The following ISM1 variants were observed in gnomAD, a reference collection of about 807,000 sequenced individuals.
ISM1 encodes isthmin 1, also known as isthmin-1.
ISM1 carries 25 observed loss-of-function variants against 46.3 expected under a neutral mutation model. The observed-to-expected ratio is 0.54, with a 90% CI of 0.39 to 0.75. The LOEUF (loss-of-function observed/expected upper bound fraction) is 0.75. Among genes scored for constraint, ISM1 ranks in the 30% least tolerant of loss-of-function variants. The pLI is 0.00. For synonymous variants in ISM1, 255 were observed against 256.7 expected (o/e 0.99, Z 0.06); for missense variants, 536 against 625.4 (o/e 0.86, Z 1.52).
chr20:13,319,576 C>T, the ISM1 span, among the ~76,000 whole-genome samples: 2 of 152,142 alleles, frequency 1.3e-5, no homozygotes, highest in African/African-American at 2.4e-5. Context: ...AATGGCAGCT[C>T]GTAGAAGTAT....
At chr20:13,243,899 A>T (rs2039761262) in intron 1 of ISM1, among the ~76,000 whole-genome samples, 1 of 152,194 alleles carries the variant, frequency 6.6e-6, no homozygotes, top group South Asian at 2.1e-4. Context: ...TAGATATTTG[A>T]AGGGAAGATG....
chr20:13,318,429 T>C, the ISM1 span, among the ~76,000 whole-genome samples: 72,252 of 152,086 alleles, frequency 0.48, 19,342 homozygotes, highest in African/African-American at 0.72. Context: ...TGTTTGCTTA[T>C]GAAATTAAAC....
chr20:13,288,737 A>G (rs2040320756), intron 4 of ISM1, 54 bp downstream of exon 4: 4 of 1,525,088 alleles, frequency 2.6e-6, no homozygotes, highest in South Asian at 1.2e-5. Flanking sequence ...TTTTTAATTT[A>G]TCATTAAAAA....
At chr20:13,283,075 C>G (rs1474011872) in intron 3 of ISM1, among the ~76,000 whole-genome samples, 1 of 152,058 alleles carries the variant, frequency 6.6e-6, no homozygotes, top group Admixed American at 6.6e-5. Context: ...GAGTCTTGCC[C>G]TGTTGCCCAG....
chr20:13,313,454 T>C, the ISM1 span, among the ~76,000 whole-genome samples: 1 of 152,204 alleles, frequency 6.6e-6, no homozygotes, highest in Admixed American at 6.5e-5. Context: ...CACGGAGCCG[T>C]AGTCAATTGG....
intron 3 of ISM1, among the ~76,000 whole-genome samples, chr20:13,283,172 C>A (rs1466317211): frequency 6.6e-6 from 1 of 152,166 alleles, no homozygotes; most frequent in Non-Finnish European, 1.5e-5. Flanking sequence ...TCCAAAAGTG[C>A]TGGGATTTTA....
intron 5 of ISM1, among the ~76,000 whole-genome samples, chr20:13,292,794 G>A (rs1487224738): frequency 6.6e-6 from 1 of 152,136 alleles, no homozygotes; most frequent in Non-Finnish European, 1.5e-5. Flanking sequence ...AGCCTTCATT[G>A]AGCGTCCTCA....
At chr20:13,266,029 A>G (rs1423661893) in intron 1 of ISM1, among the ~76,000 whole-genome samples, 1 of 152,182 alleles carries the variant, frequency 6.6e-6, no homozygotes, top group Non-Finnish European at 1.5e-5. Context: ...TGGAAGAGAG[A>G]AAGGCAAATG....
At chr20:13,300,818 G>A (rs555246618), downstream of ISM1, among the ~76,000 whole-genome samples, 20 of 152,278 alleles carry the variant, frequency 1.3e-4, no homozygotes, top group African/African-American at 3.9e-4. Context: ...CACCAAAATC[G>A]TCTACCCAAC....
At chr20:13,322,601 T>C in the ISM1 span, among the ~76,000 whole-genome samples, 1 of 152,238 alleles carries the variant, frequency 6.6e-6, no homozygotes, top group East Asian at 1.9e-4. Flanking sequence ...CAGGATCCCT[T>C]TTCCTGCTCA....
In ISM1 at chr20:13,289,474, C is replaced by T. The variant is rs564901542; in HGVS notation, c.787+791C>T. On this transcript the variant is annotated intron_variant, in intron 4 of 5. Coordinates refer to ENST00000262487, the MANE Select transcript of ISM1 (RefSeq NM_080826.2). ...CTTCAAAAACTAAACTAATTGCACA[C>T]TTGGTGAGAGGTCATGTTGAGAGTC... Among the ~76,000 whole-genome samples, 32 of 152,328 alleles carry T rather than the reference C, an allele frequency of 2.1e-4. 1 individual carries two copies. The highest frequency in any genetic ancestry group is 6.8e-3 in the Middle Eastern group (2 of 294).
intron 1 of ISM1, among the ~76,000 whole-genome samples, chr20:13,245,834 T>A (rs911163619): frequency 2.6e-5 from 4 of 152,244 alleles, no homozygotes; most frequent in African/African-American, 9.6e-5. Context: ...ACTCCATATC[T>A]GGAACTGACC....
the ISM1 span, among the ~76,000 whole-genome samples, chr20:13,317,390 C>T: frequency 6.6e-6 from 1 of 151,870 alleles, no homozygotes; most frequent in Admixed American, 6.6e-5. Flanking sequence ...AGATTCAAGG[C>T]AATCTTATTC....
At chr20:13,247,517 G>GGGGGGT (rs1183213178) in intron 1 of ISM1, among the ~76,000 whole-genome samples, 11 of 139,806 alleles carry the variant, frequency 7.9e-5, no homozygotes, top group Admixed American at 2.1e-4. Flanking sequence ...CAAAGTGAGG[G>GGGGGGT]GTGTGTGTGT....
At chr20:13,311,243 T>TAGATAGATAGATAGATAGATGATAGATA in the ISM1 span, among the ~76,000 whole-genome samples, 297 of 127,872 alleles carry the variant, frequency 2.3e-3, no homozygotes, top group Non-Finnish European at 2.8e-3. Flanking sequence ...GATAGATAGA[T>TAGATAGATAGATAGATAGATGATAGATA]GATAGATAGA....
intron 1 of ISM1, among the ~76,000 whole-genome samples, chr20:13,232,616 T>G (rs2039601423): frequency 6.6e-6 from 1 of 152,258 alleles, no homozygotes; most frequent in Non-Finnish European, 1.5e-5. Flanking sequence ...GTGTGAACAT[T>G]TGCTTTCATT....
chr20:13,255,926 T>G (rs371393425), intron 1 of ISM1, among the ~76,000 whole-genome samples: 4 of 55,394 alleles, frequency 7.2e-5, no homozygotes, highest in Non-Finnish European at 9.7e-5. Flanking sequence ...GTTCCTGGGG[T>G]TTTTTTTTTT....
Position 13,255,645 on chromosome 20 carries a change from C to A in ISM1, c.139-14859C>A, listed in dbSNP as rs199882627. 3.3e-5 allele frequency among the ~76,000 whole-genome samples: 5 copies of A among 152,170 alleles called. No individual in the cohort carries two copies. In the East Asian group the frequency reaches 9.6e-4, roughly 29 times the overall value. On this transcript the variant is annotated intron_variant, in intron 1 of 5. Coordinates refer to ENST00000262487, the MANE Select transcript of ISM1 (RefSeq NM_080826.2). ...AGAAAGAAGTGCGACACTAGGGCAT[C>A]TATTAGCACTTATAAGCCTCTATAT...
intron 1 of ISM1, among the ~76,000 whole-genome samples, chr20:13,256,410 A>G: frequency 6.6e-6 from 1 of 151,648 alleles, no homozygotes; most frequent in East Asian, 1.9e-4. Context: ...AAAAAAAAAA[A>G]AAAAAAAAGA....
Sources: allele counts gnomAD v4.1 joint callset (sites outside exome capture counted in the v4.1 genomes callset), GRCh38; gene constraint gnomAD v4.1.1; transcripts MANE v1.5; gene names NCBI Gene and HGNC (gene_info 2026-07-23, HGNC 2026-07-21).